The following TTLL5 variants were observed in gnomAD, a reference collection of about 807,000 sequenced individuals.
The protein encoded by TTLL5 is tubulin tyrosine ligase like 5, also known as tubulin polyglutamylase TTLL5.
A neutral mutation model predicts 168.4 loss-of-function variants in TTLL5; 132 were observed. The ratio of observed to expected loss-of-function variants is 0.78; its 90% confidence interval spans 0.68 to 0.91. The LOEUF is 0.91. TTLL5 is among the 40% of genes least tolerant of loss of function. The probability of loss-of-function intolerance (pLI) is 0.00; values close to 1 mark genes in which losing one functional copy is unlikely to be tolerated. For missense variants in TTLL5, 1,545 were observed against 1,581.5 expected (o/e 0.98, Z 0.39); for synonymous variants, 546 against 558.6 (o/e 0.98, Z 0.32).
chr14:75,864,691 G>T (rs528033288), intron 29 of TTLL5, among the ~76,000 whole-genome samples: 2 of 152,192 alleles, frequency 1.3e-5, no homozygotes, highest in East Asian at 3.9e-4. Flanking sequence ...TTCTACAGTG[G>T]GGTTATTGGA....
chr14:75,862,245 T>G (rs1357868288), intron 28 of TTLL5, among the ~76,000 whole-genome samples: 1 of 152,238 alleles, frequency 6.6e-6, no homozygotes, highest in Non-Finnish European at 1.5e-5. Context: ...TTGATGGACA[T>G]TTGGGTTGTT....
intron 27 of TTLL5, among the ~76,000 whole-genome samples, chr14:75,813,468 A>G (rs1200709363): frequency 6.6e-6 from 1 of 151,918 alleles, no homozygotes; most frequent in African/African-American, 2.4e-5. Flanking sequence ...ACACTCAGCT[A>G]ATTTTTATAT....
At position 75,933,296 on chromosome 14, in the gene TTLL5, A is replaced by C. The variant is rs115632370; in HGVS notation, c.3824-21128A>C. 5.6e-3 allele frequency among the ~76,000 whole-genome samples: 852 copies of C among 152,236 alleles called. 14 individuals are homozygous for C. The highest frequency in any genetic ancestry group is 0.027 in the South Asian group (130 of 4,820). On this transcript the variant is annotated intron_variant, in intron 31 of 31. Coordinates refer to ENST00000298832, the MANE Select transcript of TTLL5 (RefSeq NM_015072.5). ...AGAGTGAGACCTCATCTCTACAAAAAAAAATTAAAAAATTAGCCAGGCCGG... is the reference window on the plus strand; with the variant it reads ...AGAGTGAGACCTCATCTCTACAAAACAAAATTAAAAAATTAGCCAGGCCGG...
intron 27 of TTLL5, among the ~76,000 whole-genome samples, chr14:75,817,593 A>G (rs1227109499): frequency 2.0e-5 from 3 of 150,952 alleles, no homozygotes; most frequent in South Asian, 2.1e-4. Flanking sequence ...ATTTTTAGGG[A>G]AAAAAAATCA....
intron 15 of TTLL5, among the ~76,000 whole-genome samples, chr14:75,744,156 T>C (rs535090651): frequency 2.6e-5 from 4 of 152,330 alleles, no homozygotes; most frequent in African/African-American, 9.6e-5. Context: ...GGGCTGCTGC[T>C]CTCTGGTTGA....
At chr14:75,905,852 T>G (rs557615427) in intron 31 of TTLL5, among the ~76,000 whole-genome samples, 1 of 152,176 alleles carries the variant, frequency 6.6e-6, no homozygotes, top group African/African-American at 2.4e-5. Flanking sequence ...GCCTAAGCCT[T>G]TCCTGTTCTG....
chr14:75,724,927 A>C (rs1229933308), intron 12 of TTLL5, among the ~76,000 whole-genome samples: 3 of 152,226 alleles, frequency 2.0e-5, no homozygotes, highest in Admixed American at 6.5e-5. Context: ...CAAAAACAAC[A>C]GGATGTTCGC....
At chr14:75,803,216 G>T (rs558928753) in intron 27 of TTLL5, 44 of 152,324 alleles carry the variant, frequency 2.9e-4, no homozygotes, top group African/African-American at 1.0e-3. Context: ...CTCCATGCTC[G>T]CTGGTGAAGA....
At chr14:75,903,318 G>C (rs74067068) in intron 31 of TTLL5, among the ~76,000 whole-genome samples, 24,163 of 151,900 alleles carry the variant, frequency 0.16, 2,644 homozygotes, top group African/African-American at 0.3. Context: ...GAAAGGCACA[G>C]GTGGAAGGAG....
chr14:75,793,039 C>CTGAGAA lies in TTLL5; in HGVS notation c.3111_3116dup (p.Glu1038_Lys1039insAsnGlu). The stretch of plus-strand genomic sequence containing the variant: ...GTTACAGCTGAACTTCAGCGGCTAG[C>CTGAGAA]TGAGAAGCAGGCAGCGAGACAGTAT... On this transcript the variant is annotated inframe_insertion, in exon 27 of 32. Transcript: ENST00000298832. 3 of 1,613,782 alleles carry CTGAGAA rather than the reference C, an allele frequency of 1.9e-6. No homozygotes were observed. Among genetic ancestry groups the CTGAGAA allele is most frequent in the Non-Finnish European group, 2.5e-6 (3 of 1,179,744 alleles).
intron 31 of TTLL5, chr14:75,930,729 T>C: frequency 4.0e-6 from 3 of 740,768 alleles, no homozygotes; most frequent in Non-Finnish European, 4.9e-6. Context: ...CGATTTCACC[T>C]GGTATAAATA....
intron 30 of TTLL5, among the ~76,000 whole-genome samples, chr14:75,890,711 C>A (rs2032357337): frequency 6.6e-6 from 1 of 151,956 alleles, no homozygotes; most frequent in African/African-American, 2.4e-5. Context: ...TTTCTGAAAT[C>A]TTTTTTGTTT....
chr14:75,952,174 A>G (rs2034982123), intron 31 of TTLL5, among the ~76,000 whole-genome samples: 1 of 152,252 alleles, frequency 6.6e-6, no homozygotes, highest in Non-Finnish European at 1.5e-5. Flanking sequence ...CAAGAAGCAT[A>G]TAAAACGATC....
At position 75,716,805 on chromosome 14, in the gene TTLL5, G is replaced by A. The variant is rs1371076438; in HGVS notation, c.741-1056G>A. On this transcript the variant is annotated intron_variant, in intron 9 of 31. Transcript: ENST00000298832. The stretch of plus-strand genomic sequence containing the variant: ...CTTTCCCTGGTTACTTCCTTCAGAG[G>A]CACATGTATTTTATACTTTGGTCTT... Among the ~76,000 whole-genome samples, 3 of 152,098 alleles carry A rather than the reference G, an allele frequency of 2.0e-5. No homozygotes were observed. In the South Asian group the frequency reaches 6.2e-4, roughly 32 times the overall value.
chr14:75,795,377 C>A (rs530569376), intron 27 of TTLL5, among the ~76,000 whole-genome samples: 2 of 152,194 alleles, frequency 1.3e-5, no homozygotes, highest in Admixed American at 1.3e-4. Context: ...AGTAGTTTTT[C>A]AAAAATTATT....
chr14:75,677,390 CTTTTTTT>C (rs11349214), intron 3 of TTLL5, among the ~76,000 whole-genome samples: 3 of 78,320 alleles, frequency 3.8e-5, no homozygotes, highest in Admixed American at 1.6e-4. Flanking sequence ...CTCTCTCTCT[CTTTTTTT>C]TTTTTTTTTT....
intron 20 of TTLL5, among the ~76,000 whole-genome samples, chr14:75,767,546 G>C (rs1390865848): frequency 6.6e-6 from 1 of 152,200 alleles, no homozygotes; most frequent in African/African-American, 2.4e-5. Context: ...CAAAAGCCCA[G>C]ACATCGTAAT....
In TTLL5 at chr14:75,882,371, A is replaced by C. The variant is rs8021206; in HGVS notation, c.3523-314A>C. 8.4e-3 allele frequency among the ~76,000 whole-genome samples: 1,287 copies of C among 152,364 alleles called. 10 individuals carry two copies. The highest frequency in any genetic ancestry group is 0.014 in the Non-Finnish European group (960 of 68,038). On this transcript the variant is annotated intron_variant, in intron 29 of 31. Coordinates refer to ENST00000298832, the MANE Select transcript of TTLL5 (RefSeq NM_015072.5). ...TCATTAAAAAAGTGTTGAATTTAACAATGATGGAAACTACACTGAGAGATC... is the reference window on the plus strand; with the variant it reads ...TCATTAAAAAAGTGTTGAATTTAACCATGATGGAAACTACACTGAGAGATC...
rs182319067 is a variant in TTLL5 at position 75,950,715 on chromosome 14, C to G, written c.3824-3709C>G. 1.9e-3 allele frequency among the ~76,000 whole-genome samples: 283 copies of G among 152,118 alleles called. 2 individuals are homozygous for G. The highest frequency in any genetic ancestry group is 6.6e-3 in the African/African-American group (272 of 41,524). On this transcript the variant is annotated intron_variant, in intron 31 of 31. Coordinates refer to ENST00000298832, the MANE Select transcript of TTLL5 (RefSeq NM_015072.5). ...GGGTGCATTGGCTCACACCTGTAAT[C>G]CCAGCACTTTGGGTGGCCAAGGAGG... is the stretch of plus-strand genomic sequence containing the variant.
Sources: allele counts gnomAD v4.1 joint callset (sites outside exome capture counted in the v4.1 genomes callset), GRCh38; gene constraint gnomAD v4.1.1; transcripts MANE v1.5; gene names NCBI Gene and HGNC (gene_info 2026-07-23, HGNC 2026-07-21).